BTD: variants seen among roughly 807,000 people sequenced by gnomAD.
BTD encodes biocytinase.
Under a neutral mutation model 17.7 loss-of-function variants are expected in BTD, and 13 were observed. The observed-to-expected ratio is 0.74, with a 90% CI of 0.48 to 1.17. The LOEUF is 1.17. BTD is among the 50% of genes most tolerant of loss of function. BTD has a pLI of 0.00. For synonymous variants in BTD, 240 were observed against 245.2 expected, an observed-to-expected ratio of 0.98 and a Z score of 0.20; for missense variants, 674 against 650.4, an observed-to-expected ratio of 1.04 and a Z score of -0.39.
Position 15,601,893 on chromosome 3 carries a change from A to G in BTD, c.-18A>G, listed in dbSNP as rs143058480. 7 of 1,613,772 alleles carry G rather than the reference A, an allele frequency of 4.3e-6. No homozygotes were observed. The highest frequency in any genetic ancestry group is 1.3e-5 in the African/African-American group (1 of 74,916). On this transcript the variant is annotated splice_region_variant and 5_prime_UTR_variant, in exon 1 of 4. Coordinates refer to ENST00000643237, the MANE Select transcript of BTD (RefSeq NM_001370658.1). ...TCAGGGCGGAAGGCGCGCTAAGAGC[A>G]GGTACGGAGGGGGCGTGGTGCGGCG...
At position 15,645,410 on chromosome 3, in the gene BTD, C is replaced by T. The variant is rs765784286; in HGVS notation, c.1494C>T (p.His498=). 1.2e-6 allele frequency: 2 copies of T among 1,614,142 alleles called. No homozygotes were observed. The highest frequency in any genetic ancestry group is 1.1e-5 in the South Asian group (1 of 91,088). ...VPDQLGWEND[H]YFLRKSRLSS... is the part of the protein sequence containing the mutation. ...ACCAGCTTGGCTGGGAGAATGACCACTATTTCCTGAGGAAAAGTAGGCTGT... is the reference window on the plus strand; with the variant it reads ...ACCAGCTTGGCTGGGAGAATGACCATTATTTCCTGAGGAAAAGTAGGCTGT... The change falls in exon 4 of 4, where the codon CAC becomes CAT. Residue 498 remains histidine, a synonymous_variant. Coordinates refer to ENST00000643237, the MANE Select transcript of BTD (RefSeq NM_001370658.1).
intron 3 of BTD, among the ~76,000 whole-genome samples, chr3:15,693,520 G>T (rs1212517525): frequency 1.3e-5 from 2 of 152,138 alleles, no homozygotes; most frequent in Non-Finnish European, 2.9e-5. Flanking sequence ...TCTTTAATAT[G>T]CTACTAGTTG....
At position 15,652,009 on chromosome 3, in the gene BTD, C is replaced by T. The variant is rs991166640; in HGVS notation, c.*6521C>T. On this transcript the variant is annotated 3_prime_UTR_variant, in exon 4 of 4. Coordinates refer to ENST00000643237, the MANE Select transcript of BTD (RefSeq NM_001370658.1). ...CAATAAAATATGGCAGATGCGATGG[C>T]ATGTTACTTCTGAAATTGGGTTATA... Among the ~76,000 whole-genome samples, 2 of 152,156 alleles carry T rather than the reference C, an allele frequency of 1.3e-5. No homozygotes were observed. The highest frequency in any genetic ancestry group is 2.9e-5 in the Non-Finnish European group (2 of 68,022).
chr3:15,701,576 G>A (rs1413026105), intron 3 of BTD, among the ~76,000 whole-genome samples: 1 of 152,052 alleles, frequency 6.6e-6, no homozygotes, highest in Non-Finnish European at 1.5e-5. Flanking sequence ...CCCAGGAGGC[G>A]GAGGTTGCAG....
chr3:15,698,815 C>T (rs900154774), intron 3 of BTD, among the ~76,000 whole-genome samples: 1 of 152,140 alleles, frequency 6.6e-6, no homozygotes, highest in African/African-American at 2.4e-5. Flanking sequence ...GCCATACTAC[C>T]CGAGGTACTT....
chr3:15,634,336 C>G (rs1044911180), intron 1 of BTD, among the ~76,000 whole-genome samples: 8 of 152,132 alleles, frequency 5.3e-5, no homozygotes, highest in African/African-American at 1.9e-4. Context: ...ATCCGGATTC[C>G]TGGGCAGTTG....
rs9879788 is a variant in BTD, at chr3:15,648,059, A to G, written c.*2571A>G. 0.037 allele frequency among the ~76,000 whole-genome samples: 5,576 copies of G among 151,964 alleles called. 286 individuals are homozygous for G. The highest frequency in any genetic ancestry group is 0.11 in the African/African-American group (4,736 of 41,398). ...GTACCTGTGCCCCCACCCCCCAGCC[A>G]TGGTATATTGAACCAGGAGGAGGCA... On this transcript the variant is annotated 3_prime_UTR_variant, in exon 4 of 4. Coordinates refer to ENST00000643237, the MANE Select transcript of BTD (RefSeq NM_001370658.1).
intron 3 of BTD, among the ~76,000 whole-genome samples, chr3:15,692,305 C>T (rs886247851): frequency 1.3e-5 from 2 of 151,938 alleles, no homozygotes; most frequent in Admixed American, 6.6e-5. Context: ...AAGAATTAGT[C>T]GGGAATGGTG....
rs2065745742 is a variant in BTD, at chr3:15,648,587, G to A, written c.*3099G>A. Among the ~76,000 whole-genome samples the A allele has an allele frequency of 6.6e-6, 1 of 152,236 alleles. No homozygotes were observed. Among genetic ancestry groups the A allele is most frequent in the Non-Finnish European group, 1.5e-5 (1 of 68,046 alleles). On this transcript the variant is annotated 3_prime_UTR_variant, in exon 4 of 4. Coordinates refer to ENST00000643237, the MANE Select transcript of BTD (RefSeq NM_001370658.1). ...CTACAGTCAAGATGTCAGCCGAGGT[G>A]ACAGTGAAGATATCAACCAAGGCTG...
chr3:15,624,534 GT>G (rs1168128059), intron 1 of BTD, among the ~76,000 whole-genome samples: 1 of 151,124 alleles, frequency 6.6e-6, no homozygotes, highest in Non-Finnish European at 1.5e-5. Context: ...TTCTGTTAGT[GT>G]TTTTTAATCT....
rs574374742 is a variant in BTD at position 15,635,323 on chromosome 3, G to A, written c.-16-101G>A. The A allele has an allele frequency of 3.3e-4, 511 of 1,556,898 alleles. 3 individuals are homozygous for A. The South Asian group carries it at 5.5e-3, about 17-fold the overall frequency. ...TCTTTGAGCCGCAGTATCACTGCGA[G>A]TGAGTTTAATTGCTGGGATTAATAA... On this transcript the variant is annotated intron_variant, in intron 1 of 3. Coordinates refer to ENST00000643237, the MANE Select transcript of BTD (RefSeq NM_001370658.1). This position sits in a 1 kb window ranked among gnomAD's most constrained non-coding sequence, Gnocchi z 4.1.
intron 1 of BTD, among the ~76,000 whole-genome samples, chr3:15,609,122 T>C (rs1441343702): frequency 6.6e-6 from 1 of 152,224 alleles, no homozygotes. Flanking sequence ...TCATAACGTT[T>C]GAGTTCTTCT....
At position 15,705,696 on chromosome 3, in the gene BTD, A is replaced by G. The variant is rs149322924; in HGVS notation, c.400-4364A>G. On this transcript the variant is annotated intron_variant, in intron 3 of 3. Coordinates refer to the BTD transcript ENST00000672141. ...TCTTGCAAATAAAATACACATTACT[A>G]TTGCCTTTAAGATTAGAATTTTAGG... Among the ~76,000 whole-genome samples, 389 of 152,276 alleles carry G rather than the reference A, an allele frequency of 2.6e-3. 3 individuals are homozygous for G. Among genetic ancestry groups the G allele is most frequent in the African/African-American group, 9.0e-3 (375 of 41,544 alleles).
At chr3:15,713,862 T>C (rs79301701), downstream of BTD, among the ~76,000 whole-genome samples, 3,931 of 152,316 alleles carry the variant, frequency 0.026, 79 homozygotes, top group Non-Finnish European at 0.04. Flanking sequence ...AGTAGATTTT[T>C]AAATTGACAA....
At position 15,644,611 on chromosome 3, in the gene BTD, A is replaced by G. The variant is rs28934601; in HGVS notation, c.695A>G (p.Asp232Gly). 151 of 1,613,818 alleles carry G rather than the reference A, an allele frequency of 9.4e-5. No homozygotes were observed. The highest frequency in any genetic ancestry group is 1.2e-4 in the Non-Finnish European group (144 of 1,179,990). The part of the protein sequence containing the change: ...IFTCFDILFF[D>G]PAIRVLRDYK... ...ACATGCTTTGATATATTGTTCTTTG[A>G]CCCTGCCATCAGAGTCCTCAGAGAC... Residue 232 changes from aspartate (D) to glycine (G), a missense_variant, in exon 4 of 4, where the codon GAC becomes GGC. Physicochemically the swap from Asp to Gly is moderately conservative, Grantham distance 94 (BLOSUM62 -1). Transcript: ENST00000643237.
At chr3:15,656,431 C>G (rs1233384041), downstream of BTD, among the ~76,000 whole-genome samples, 1 of 152,076 alleles carries the variant, frequency 6.6e-6, no homozygotes, top group Non-Finnish European at 1.5e-5. Context: ...GCAGTCTGAC[C>G]CCAGCTCATG....
At chr3:15,709,983 T>C (rs2072007964) in intron 3 of BTD, among the ~76,000 whole-genome samples, 2 of 151,896 alleles carry the variant, frequency 1.3e-5, no homozygotes, top group African/African-American at 4.8e-5. Flanking sequence ...AAAAGGAAGA[T>C]CACATTTGCA....
In BTD at chr3:15,704,375, T is replaced by A. The variant is rs189545787; in HGVS notation, c.400-5685T>A. ...AGGGATAAAAGGCAGAGCAGAATTA[T>A]AATTACTGTATGTTGGTCCTAAACA... is the stretch of plus-strand genomic sequence containing the variant. On this transcript the variant is annotated intron_variant, in intron 3 of 3. Transcript: ENST00000672141. Among the ~76,000 whole-genome samples, 265 of 152,286 alleles carry A rather than the reference T, an allele frequency of 1.7e-3. 1 individual carries two copies. The highest frequency in any genetic ancestry group is 5.8e-3 in the African/African-American group (242 of 41,564).
At position 15,696,251 on chromosome 3, in the gene BTD, T is replaced by TACA. The variant is rs145970527; in HGVS notation, c.400-13796_400-13794dup. 1,611 of 1,507,008 alleles carry TACA rather than the reference T, an allele frequency of 1.1e-3. 8 individuals are homozygous for TACA. The African/African-American group carries it at 0.019, about 18-fold the overall frequency. The allele number at this position is 1,507,008 out of a possible 1,614,324, so 93.4% of individuals were successfully genotyped here. On this transcript the variant is annotated intron_variant, in intron 3 of 3. Transcript: ENST00000672141. ...TTAATAAGTATTCCAGGCACCTATATACAACAACAACAACATACTGAAAAT... is the reference window on the plus strand; with the variant it reads ...TTAATAAGTATTCCAGGCACCTATATACAACAACAACAACAACATACTGAAAAT...
Sources: gnomAD v4.1 joint callset for allele counts (sites outside exome capture counted in the v4.1 genomes callset) on GRCh38, gnomAD v4.1.1 for gene constraint, Gnocchi (gnomAD v3.1) non-coding constraint, MANE v1.5 for transcripts, NCBI Gene and HGNC (gene_info 2026-07-23, HGNC 2026-07-21) for gene names.